UROC1: variants seen among roughly 807,000 people sequenced by gnomAD.
UROC1 encodes urocanate hydratase.
Under a neutral mutation model 89.5 loss-of-function variants are expected in UROC1, and 79 were observed. That is an observed-to-expected ratio of 0.88 (90% CI 0.74 to 1.06). UROC1 has a LOEUF of 1.06. UROC1 is among the 50% of genes least tolerant of loss of function. The pLI, the probability that UROC1 is intolerant of heterozygous loss-of-function variation, is 0.00. For missense variants in UROC1, 885 were observed against 907.8 expected, an observed-to-expected ratio of 0.97 and a Z score of 0.32; for synonymous variants, 361 against 354.8, an observed-to-expected ratio of 1.02 and a Z score of -0.20.
chr3:126,493,471 G>A (rs1935702592), intron 15 of UROC1, among the ~76,000 whole-genome samples: 1 of 152,198 alleles, frequency 6.6e-6, no homozygotes, highest in African/African-American at 2.4e-5. Flanking sequence ...CTACAACATG[G>A]ATGGATGAAC....
At chr3:126,492,371 T>C in intron 16 of UROC1, 47 bp downstream of exon 16, 1 of 1,563,314 alleles carries the variant, frequency 6.4e-7, no homozygotes, top group Non-Finnish European at 8.8e-7. Flanking sequence ...GGAAAGGCAG[T>C]GGGAAGAGGC....
Position 126,504,754 on chromosome 3 carries a change from T to C in UROC1, c.814-671A>G, listed in dbSNP as rs754276187. Among the ~76,000 whole-genome samples the C allele has an allele frequency of 1.4e-4, 21 of 152,316 alleles. No homozygotes were observed. In the East Asian group the frequency reaches 2.1e-3, roughly 15 times the overall value. On this transcript the variant is annotated intron_variant, in intron 8 of 19. Coordinates refer to ENST00000290868, the MANE Select transcript of UROC1 (RefSeq NM_144639.3). ...TGAGTGCAAATCCCACTGGCACATATCGCCAAGCCTTGCCTCAAGGCTCCT... is the reference window on the plus strand; with the variant it reads ...TGAGTGCAAATCCCACTGGCACATACCGCCAAGCCTTGCCTCAAGGCTCCT...
intron 1 of UROC1, among the ~76,000 whole-genome samples, chr3:126,514,548 C>T (rs1482484308): frequency 6.6e-6 from 1 of 152,050 alleles, no homozygotes; most frequent in Non-Finnish European, 1.5e-5. Context: ...ATGACACGCA[C>T]GTTAGTTCAT....
intron 9 of UROC1, chr3:126,502,080 G>T: frequency 1.2e-6 from 1 of 808,218 alleles, no homozygotes; most frequent in African/African-American, 1.7e-5. Context: ...ATGTGTGTGT[G>T]TTCATGTGTG....
At position 126,482,509 on chromosome 3, in the gene UROC1, G is replaced by A. The variant is rs377209091; in HGVS notation, c.1891-24C>T. ...ACCTAGGGCAAGGAGGGGGATAGCA[G>A]TCCATGTCAACATAACCGGGCTCCC... On this transcript the variant is annotated intron_variant, in intron 19 of 19. Transcript: ENST00000290868. 8.1e-6 allele frequency: 13 copies of A among 1,613,708 alleles called. No individual in the cohort carries two copies. The South Asian group carries it at 1.1e-4, about 14-fold the overall frequency.
chr3:126,509,767 A>G, intron 2 of UROC1, 89 bp from the exon 3 acceptor site: 2 of 1,258,566 alleles, frequency 1.6e-6, no homozygotes, highest in Admixed American at 4.0e-5. Context: ...CCGCTCAGGC[A>G]AGGATAGCCG....
At chr3:126,490,889 C>G (rs899952829) in intron 16 of UROC1, among the ~76,000 whole-genome samples, 1 of 152,152 alleles carries the variant, frequency 6.6e-6, no homozygotes, top group South Asian at 2.1e-4. Flanking sequence ...CCAGCTGTTT[C>G]AGCTAAGAAG....
At chr3:126,491,911 G>A (rs1935662089) in intron 16 of UROC1, among the ~76,000 whole-genome samples, 1 of 152,172 alleles carries the variant, frequency 6.6e-6, no homozygotes, top group South Asian at 2.1e-4. Context: ...CTCGGAGAGG[G>A]CTACGGACCT....
intron 19 of UROC1, 71 bp from the exon 20 acceptor site, chr3:126,482,556 A>G: frequency 6.2e-7 from 1 of 1,609,706 alleles, no homozygotes; most frequent in Admixed American, 1.7e-5. Context: ...TGGCTCCCAC[A>G]CTTGGGGCCT....
At position 126,482,373 on chromosome 3, in the gene UROC1, C is replaced by T. The variant is rs530723506; in HGVS notation, c.2003G>A (p.Arg668Gln). Reference sequence around the variant, plus strand: ...GAGCTGCAGGGCCTGCTGGAGCACCCGCTCGTCCTCCACCTTGTGAGGCAG... The same window carrying T: ...GAGCTGCAGGGCCTGCTGGAGCACCTGCTCGTCCTCCACCTTGTGAGGCAG... Reference protein sequence around the residue: ...VTLPHKVEDERVLQQALQL With the variant: ...VTLPHKVEDEQVLQQALQL The change falls in exon 20 of 20, where the codon CGG becomes CAG. Residue 668 changes from arginine to glutamine, a missense_variant. Coordinates refer to ENST00000290868, the MANE Select transcript of UROC1 (RefSeq NM_144639.3). 6 of 1,613,596 alleles carry T rather than the reference C, an allele frequency of 3.7e-6. No individual in the cohort carries two copies. Among genetic ancestry groups the T allele is most frequent in the Middle Eastern group, 1.7e-4 (1 of 5,968 alleles).
chr3:126,484,527 T>C (rs916966268), intron 18 of UROC1, among the ~76,000 whole-genome samples: 7 of 152,330 alleles, frequency 4.6e-5, no homozygotes, highest in African/African-American at 1.7e-4. Flanking sequence ...TTCCCTTGTC[T>C]CAAATCCTTC....
chr3:126,509,963 G>C (rs1936159679), intron 2 of UROC1, among the ~76,000 whole-genome samples: 1 of 152,244 alleles, frequency 6.6e-6, no homozygotes, highest in Admixed American at 6.5e-5. Context: ...CTCCGTCTGG[G>C]TAAGCAGAGT....
chr3:126,496,203 GC>G, intron 14 of UROC1, 95 bp from the exon 15 acceptor site: 1 of 1,261,890 alleles, frequency 7.9e-7, no homozygotes, highest in Non-Finnish European at 1.1e-6. Context: ...CCTGCCCCGA[GC>G]CCACCACTGA....
chr3:126,505,647 G>GGGAA (rs1936037201), intron 8 of UROC1, 54 bp downstream of exon 8: 1 of 1,603,572 alleles, frequency 6.2e-7, no homozygotes, highest in Non-Finnish European at 8.5e-7. Flanking sequence ...AAGGGAGGGA[G>GGGAA]GGAGGGAGGG....
chr3:126,509,682 C>A lies in UROC1; in HGVS notation c.258-4G>T, dbSNP rs1560127448. On this transcript the variant is annotated splice_polypyrimidine_tract_variant and splice_region_variant and intron_variant, in intron 2 of 19. Transcript: ENST00000290868. ...GTACTGCTCAATCGGGTAGGCCCTG[C>A]AAGGGAAAGCCCAACCACCAGGCTG... 3.2e-6 allele frequency: 5 copies of A among 1,551,420 alleles called. No homozygotes were observed. Among genetic ancestry groups the A allele is most frequent in the South Asian group, 2.4e-5 (2 of 84,062 alleles).
At position 126,496,021 on chromosome 3, in the gene UROC1, C is replaced by G. The variant is rs1383457636; in HGVS notation, c.1509+17G>C. The G allele has an allele frequency of 6.8e-6, 11 of 1,611,534 alleles. No individual in the cohort carries two copies. Among genetic ancestry groups the G allele is most frequent in the Non-Finnish European group, 9.3e-6 (11 of 1,179,336 alleles). On this transcript the variant is annotated intron_variant, in intron 15 of 19. Coordinates refer to ENST00000290868, the MANE Select transcript of UROC1 (RefSeq NM_144639.3). ...ACAGCACAGCCACCCCAGCCTCCCCCAGGCCTGGGCCCTCACCAGCCGGTG... is the reference window on the plus strand; with the variant it reads ...ACAGCACAGCCACCCCAGCCTCCCCGAGGCCTGGGCCCTCACCAGCCGGTG...
Position 126,504,120 on chromosome 3 carries a change from C to A in UROC1, c.814-37G>T, listed in dbSNP as rs201667663. 5 of 1,606,714 alleles carry A rather than the reference C, an allele frequency of 3.1e-6. No homozygotes were observed. The African/African-American group carries it at 6.7e-5, about 22-fold the overall frequency. ...AGACATGGGGCCACGAGACATGGGG[C>A]CACCCGGTTACAAATCTTCCCTAAG... On this transcript the variant is annotated intron_variant, in intron 8 of 19. Transcript: ENST00000290868.
At chr3:126,486,436 C>T (rs935231536) in intron 18 of UROC1, among the ~76,000 whole-genome samples, 4 of 152,260 alleles carry the variant, frequency 2.6e-5, no homozygotes, top group African/African-American at 9.6e-5. Flanking sequence ...CTGCAGCCTG[C>T]GGTCCAAACG....
At chr3:126,501,131 G>A (rs1366152913) in intron 10 of UROC1, 87 bp downstream of exon 10, 27 of 1,411,376 alleles carry the variant, frequency 1.9e-5, no homozygotes, top group Middle Eastern at 1.8e-4. Context: ...TTTGTGTCCT[G>A]GCAGCTCCTG....
Sources: gnomAD v4.1 joint callset for allele counts (sites outside exome capture counted in the v4.1 genomes callset) on GRCh38, gnomAD v4.1.1 for gene constraint, MANE v1.5 for transcripts, NCBI Gene and HGNC (gene_info 2026-07-23, HGNC 2026-07-21) for gene names.